MARCHF1: variants seen among roughly 807,000 people sequenced by gnomAD.
MARCHF1 encodes the protein membrane associated ring-CH-type finger 1.
In MARCHF1, 40 loss-of-function variants were observed where a neutral mutation model predicts 54.2. The observed-to-expected ratio is 0.74, with a 90% CI of 0.57 to 0.96. The LOEUF (loss-of-function observed/expected upper bound fraction) is 0.96, where lower values mean the gene tolerates loss of function less well. MARCHF1 is among the 40% of genes least tolerant of loss of function. The probability of loss-of-function intolerance (pLI) is 0.00; values close to 1 mark genes in which losing one functional copy is unlikely to be tolerated. For missense variants in MARCHF1, 586 were observed against 656.5 expected (o/e 0.89, Z 1.17); for synonymous variants, 236 against 236.3 (o/e 1.00, Z 0.01).
At chr4:163,783,049 T>C (rs543609088) in intron 4 of MARCHF1, among the ~76,000 whole-genome samples, 17 of 152,186 alleles carry the variant, frequency 1.1e-4, no homozygotes, top group African/African-American at 3.9e-4. Flanking sequence ...TAAAGAAAGA[T>C]CAGAAATATA....
At chr4:164,002,827 C>T (rs188012599) in intron 2 of MARCHF1, among the ~76,000 whole-genome samples, 1 of 151,794 alleles carries the variant, frequency 6.6e-6, no homozygotes, top group East Asian at 1.9e-4. Context: ...GAGCAAAAGG[C>T]CTGTTTCATA....
chr4:163,606,598 G>A (rs1292633157), intron 7 of MARCHF1, among the ~76,000 whole-genome samples: 1 of 152,020 alleles, frequency 6.6e-6, no homozygotes, highest in African/African-American at 2.4e-5. Flanking sequence ...GCCTAAATAT[G>A]AGCATTTGGA....
At chr4:163,775,924 A>G (rs1313682809) in intron 4 of MARCHF1, among the ~76,000 whole-genome samples, 2 of 152,176 alleles carry the variant, frequency 1.3e-5, no homozygotes, top group Non-Finnish European at 2.9e-5. Context: ...TAGAAGATGC[A>G]GTGACCCAGT....
chr4:164,082,235 C>A (rs1474948745), intron 2 of MARCHF1, among the ~76,000 whole-genome samples: 2 of 152,180 alleles, frequency 1.3e-5, no homozygotes, highest in African/African-American at 4.8e-5. Context: ...TAGTAGTCAA[C>A]AGTTTCTCTC....
chr4:164,177,532 T>C (rs1242483647), intron 1 of MARCHF1, among the ~76,000 whole-genome samples: 1 of 152,108 alleles, frequency 6.6e-6, no homozygotes, highest in African/African-American at 2.4e-5. Context: ...TTTTTTCTGC[T>C]TTTAAGATAA....
chr4:163,654,212 C>T (rs1743064011), intron 5 of MARCHF1, among the ~76,000 whole-genome samples: 1 of 151,520 alleles, frequency 6.6e-6, no homozygotes, highest in African/African-American at 2.4e-5. Flanking sequence ...ATCATTGAAA[C>T]ATGATGGTAG....
At chr4:164,277,108 C>T (rs902285202) in intron 1 of MARCHF1, among the ~76,000 whole-genome samples, 3 of 151,760 alleles carry the variant, frequency 2.0e-5, no homozygotes, top group Non-Finnish European at 2.9e-5. Flanking sequence ...CATTTGTTCC[C>T]TCCTTAGATA....
intron 5 of MARCHF1, among the ~76,000 whole-genome samples, chr4:163,636,240 G>A (rs1186553138): frequency 6.6e-6 from 1 of 151,602 alleles, no homozygotes; most frequent in African/African-American, 2.4e-5. Context: ...GGAAGTTCTG[G>A]CCAGGGCAAT....
chr4:163,638,274 G>A (rs1472488266), intron 5 of MARCHF1, among the ~76,000 whole-genome samples: 2 of 150,882 alleles, frequency 1.3e-5, no homozygotes, highest in African/African-American at 4.9e-5. Flanking sequence ...AAAAAGAAAT[G>A]TAATCCCAGT....
At chr4:164,344,958 C>T (rs979699501) in intron 1 of MARCHF1, among the ~76,000 whole-genome samples, 2 of 152,090 alleles carry the variant, frequency 1.3e-5, no homozygotes, top group African/African-American at 4.8e-5. Context: ...TTCTCTTTGG[C>T]AAATTGTAAT....
At chr4:163,946,383 C>T (rs918926020) in intron 3 of MARCHF1, among the ~76,000 whole-genome samples, 5 of 152,100 alleles carry the variant, frequency 3.3e-5, no homozygotes, top group East Asian at 1.9e-4. Context: ...AAAATAGATC[C>T]CATACTATCA....
intron 3 of MARCHF1, among the ~76,000 whole-genome samples, chr4:163,880,892 C>T (rs1750401202): frequency 6.6e-6 from 1 of 152,104 alleles, no homozygotes; most frequent in Non-Finnish European, 1.5e-5. Flanking sequence ...TGGGTTTCCA[C>T]CTGAACTCCT....
In MARCHF1 at chr4:163,612,795, T is replaced by C. The variant is rs887425360; in HGVS notation, c.486A>G (p.Ser162=). ...TCCAATGACTCTCATCTGTGGAAGA[T>C]GAATCTGAAGAATCTGTGTAAAGCT... The part of the protein sequence containing the change: ...WRELYTDSSD[S]SSTDESHWIQ... Residue 162 remains serine, a synonymous_variant, in exon 7 of 10, where the codon TCA becomes TCG. Transcript: ENST00000514618. 2.6e-6 allele frequency: 4 copies of C among 1,535,234 alleles called. No homozygotes were observed. Among genetic ancestry groups the C allele is most frequent in the Non-Finnish European group, 3.5e-6 (4 of 1,146,546 alleles).
chr4:164,320,071 A>G (rs1016984978), intron 1 of MARCHF1, among the ~76,000 whole-genome samples: 8 of 152,178 alleles, frequency 5.3e-5, no homozygotes, highest in African/African-American at 1.9e-4. Flanking sequence ...TCACACATCC[A>G]TGAGTCTAAT....
In MARCHF1 at chr4:164,088,657, G is replaced by C. The variant is rs1755239069; in HGVS notation, c.-248+22931C>G. Among the ~76,000 whole-genome samples the C allele has an allele frequency of 3.9e-5, 6 of 152,112 alleles. No individual in the cohort carries two copies. The South Asian group carries it at 1.2e-3, about 32-fold the overall frequency. On this transcript the variant is annotated intron_variant, in intron 2 of 9. Coordinates refer to ENST00000514618, the MANE Select transcript of MARCHF1 (RefSeq NM_001394959.1). ...GGAAACTGAGGTGGGAGAATCACCTGAGCCCCAGGAGGCTGAAGCTGGAGT... is the reference window on the plus strand; with the variant it reads ...GGAAACTGAGGTGGGAGAATCACCTCAGCCCCAGGAGGCTGAAGCTGGAGT...
At chr4:163,807,607 G>GTT (rs1748262204) in intron 4 of MARCHF1, among the ~76,000 whole-genome samples, 1 of 152,070 alleles carries the variant, frequency 6.6e-6, no homozygotes, top group African/African-American at 2.4e-5. Context: ...TAATAAGTAT[G>GTT]TTTTGCTATT....
intron 3 of MARCHF1, among the ~76,000 whole-genome samples, chr4:163,917,471 G>C (rs766307882): frequency 1.3e-5 from 2 of 151,992 alleles, no homozygotes; most frequent in Non-Finnish European, 2.9e-5. Flanking sequence ...GATGTGTAGT[G>C]GCATCTCATA....
Position 163,638,009 on chromosome 4 carries a change from G to A in MARCHF1, c.163-24616C>T, listed in dbSNP as rs552162967. Among the ~76,000 whole-genome samples the A allele has an allele frequency of 8.8e-4, 131 of 148,662 alleles. 1 individual carries two copies. The highest frequency in any genetic ancestry group is 3.1e-3 in the African/African-American group (126 of 40,328). On this transcript the variant is annotated intron_variant, in intron 5 of 9. Coordinates refer to ENST00000514618, the MANE Select transcript of MARCHF1 (RefSeq NM_001394959.1). ...TCGCAAGAACAAAAAACCAAACACC[G>A]CATTTTCTCACTCATAGGTGGGAAT... is the stretch of plus-strand genomic sequence containing the variant.
At chr4:164,109,111 C>T (rs1041878269) in intron 2 of MARCHF1, among the ~76,000 whole-genome samples, 2 of 152,044 alleles carry the variant, frequency 1.3e-5, no homozygotes, top group Non-Finnish European at 2.9e-5. Context: ...CTGTTACTCT[C>T]TCCTCTGTAT....
Sources: allele counts gnomAD v4.1 joint callset (sites outside exome capture counted in the v4.1 genomes callset), GRCh38; gene constraint gnomAD v4.1.1; transcripts MANE v1.5; gene names NCBI Gene and HGNC (gene_info 2026-07-23, HGNC 2026-07-21).